FRMPD4: variants seen among roughly 807,000 people sequenced by gnomAD.
The protein encoded by FRMPD4 is FERM and PDZ domain containing 4.
FRMPD4 carries 22 observed loss-of-function variants against 94.1 expected under a neutral mutation model. The ratio of observed to expected loss-of-function variants is 0.23; its 90% CI spans 0.17 to 0.33. The LOEUF is 0.33. FRMPD4 is among the 10% of genes least tolerant of loss of function. The pLI, the probability that FRMPD4 is intolerant of heterozygous loss-of-function variation, is 1.00. For missense variants in FRMPD4, 1,111 were observed against 1,339.9 expected, an observed-to-expected ratio of 0.83 and a Z score of 2.67; for synonymous variants, 631 against 548.6, an observed-to-expected ratio of 1.15 and a Z score of -2.10.
intron 3 of FRMPD4, among the ~76,000 whole-genome samples, chrX:12,059,187 A>T (rs1442088460): frequency 8.9e-6 from 1 of 111,991 alleles, no homozygotes; most frequent in Non-Finnish European, 1.9e-5. Flanking sequence ...ACTAAATAAA[A>T]AATGTATCTA....
At chrX:12,194,136 A>G (rs1476007984) in intron 1 of FRMPD4, among the ~76,000 whole-genome samples, 1 of 110,289 alleles carries the variant, frequency 9.1e-6, no homozygotes, top group East Asian at 2.9e-4. Context: ...TTTTTGCCCA[A>G]TTCTTATATT....
At chrX:12,599,960 A>T (rs1238388686) in intron 2 of FRMPD4, among the ~76,000 whole-genome samples, 3 of 111,610 alleles carry the variant, frequency 2.7e-5, no homozygotes, top group Non-Finnish European at 5.6e-5. Flanking sequence ...CATTTTAATC[A>T]CTCAAATATT....
At chrX:12,382,802 G>T (rs1329493309) in intron 1 of FRMPD4, among the ~76,000 whole-genome samples, 1 of 110,763 alleles carries the variant, frequency 9.0e-6, no homozygotes, top group African/African-American at 3.4e-5. Flanking sequence ...ACCACCAGTT[G>T]ACATACTATA....
intron 3 of FRMPD4, among the ~76,000 whole-genome samples, chrX:12,065,571 T>C (rs1205004440): frequency 8.9e-6 from 1 of 112,053 alleles, no homozygotes; most frequent in African/African-American, 3.2e-5. Context: ...GGCTGCATAT[T>C]GAATGTGAGT....
intron 4 of FRMPD4, among the ~76,000 whole-genome samples, chrX:12,640,403 A>AT (rs2059488530): frequency 9.1e-6 from 1 of 110,231 alleles, no homozygotes; most frequent in Non-Finnish European, 1.9e-5. Context: ...TATATTTTAA[A>AT]TTTTTTCTTC....
At chrX:11,825,341 T>C (rs183730720) in intron 1 of FRMPD4, among the ~76,000 whole-genome samples, 2 of 109,737 alleles carry the variant, frequency 1.8e-5, no homozygotes, top group Non-Finnish European at 3.8e-5. Context: ...TATGGCTTGA[T>C]AAAGGCTCAA....
intron 1 of FRMPD4, among the ~76,000 whole-genome samples, chrX:12,251,242 C>T (rs1326408692): frequency 1.8e-5 from 2 of 111,499 alleles, no homozygotes; most frequent in Non-Finnish European, 3.8e-5. Flanking sequence ...AGGGTCTGGC[C>T]TGGATCCCTT....
chrX:11,861,729 G>A (rs2053688239), intron 1 of FRMPD4, among the ~76,000 whole-genome samples: 1 of 112,136 alleles, frequency 8.9e-6, no homozygotes, highest in Non-Finnish European at 1.9e-5. Flanking sequence ...GTTCTAAGGT[G>A]AGAGAGGACC....
intron 3 of FRMPD4, among the ~76,000 whole-genome samples, chrX:12,037,005 A>T (rs1188155550): frequency 1.8e-5 from 2 of 112,031 alleles, no homozygotes; most frequent in Non-Finnish European, 3.8e-5. Flanking sequence ...TTGTGAGGAT[A>T]CATTTATCTG....
intron 1 of FRMPD4, among the ~76,000 whole-genome samples, chrX:12,361,233 T>C (rs1291890606): frequency 1.8e-5 from 2 of 112,594 alleles, no homozygotes; most frequent in African/African-American, 6.5e-5. Flanking sequence ...GAATCTAGCA[T>C]TTAAGGTACA....
At chrX:12,108,430 A>G (rs1488904571) in intron 3 of FRMPD4, among the ~76,000 whole-genome samples, 1 of 112,308 alleles carries the variant, frequency 8.9e-6, no homozygotes, top group Non-Finnish European at 1.9e-5. Context: ...GAAGTACTAA[A>G]CATGGAAAGG....
chrX:12,453,394 G>GTT (rs1283378955), intron 1 of FRMPD4, among the ~76,000 whole-genome samples: 1 of 111,861 alleles, frequency 8.9e-6, no homozygotes, highest in East Asian at 2.8e-4. Context: ...GTTTATATTT[G>GTT]TTTACTTTTG....
chrX:12,324,975 T>C (rs2055263926), intron 1 of FRMPD4, among the ~76,000 whole-genome samples: 1 of 112,316 alleles, frequency 8.9e-6, no homozygotes, highest in Non-Finnish European at 1.9e-5. Flanking sequence ...GTCAAAGCTA[T>C]AAACTCTTAG....
intron 1 of FRMPD4, among the ~76,000 whole-genome samples, chrX:12,239,408 A>G (rs1224878002): frequency 8.9e-6 from 1 of 112,822 alleles, no homozygotes; most frequent in African/African-American, 3.2e-5. Context: ...AGCAGTTTGT[A>G]TGGTATCTGT....
chrX:12,558,833 G>A (rs1269265618), intron 2 of FRMPD4, among the ~76,000 whole-genome samples: 7 of 112,059 alleles, frequency 6.2e-5, no homozygotes, highest in Non-Finnish European at 9.4e-5. Context: ...TCAGGAGTTC[G>A]AGGCTGTAGT....
At chrX:12,665,443 C>CAA (rs59252457) in intron 4 of FRMPD4, among the ~76,000 whole-genome samples, 1 of 93,190 alleles carries the variant, frequency 1.1e-5, no homozygotes. Context: ...GACTCCGTCT[C>CAA]AAAAAAAAAA....
chrX:12,256,225 C>A (rs2054113151), intron 1 of FRMPD4, among the ~76,000 whole-genome samples: 1 of 111,548 alleles, frequency 9.0e-6, no homozygotes, highest in Non-Finnish European at 1.9e-5. Context: ...GGGGTGTTGG[C>A]AACACAAATT....
chrX:11,836,680 T>C, intron 1 of FRMPD4, among the ~76,000 whole-genome samples: 1 of 111,784 alleles, frequency 8.9e-6, no homozygotes, highest in Middle Eastern at 4.6e-3. Context: ...GCTACAGAGT[T>C]GTTTAGGGAG....
At chrX:12,421,401 C>T (rs866385706) in intron 1 of FRMPD4, among the ~76,000 whole-genome samples, 3 of 110,271 alleles carry the variant, frequency 2.7e-5, no homozygotes, top group African/African-American at 9.9e-5. Flanking sequence ...TCCATGCTCA[C>T]GTCTCAAAAA....
Sources: gnomAD v4.1 joint callset for allele counts (sites outside exome capture counted in the v4.1 genomes callset) on GRCh38, gnomAD v4.1.1 for gene constraint, MANE v1.5 for transcripts, NCBI Gene and HGNC (gene_info 2026-07-23, HGNC 2026-07-21) for gene names.